CFAP47: variants seen among roughly 807,000 people sequenced by gnomAD.
CFAP47 encodes the protein cilia- and flagella-associated protein 47.
A neutral mutation model predicts 148.1 loss-of-function variants in CFAP47; 29 were observed. The observed-to-expected ratio is 0.20, with a 90% CI of 0.15 to 0.27. The LOEUF is 0.27. Ranked by LOEUF, CFAP47 falls within the 10% of genes least tolerant of loss-of-function variation. The pLI is 1.00. For synonymous variants in CFAP47, 664 were observed against 577.3 expected (o/e 1.15, Z -2.15); for missense variants, 1,872 against 1,697.5 (o/e 1.10, Z -1.81).
chrX:36,134,414 G>C (rs1939003802), intron 33 of CFAP47, among the ~76,000 whole-genome samples: 1 of 111,323 alleles, frequency 9.0e-6, no homozygotes, highest in African/African-American at 3.3e-5. Context: ...GGGTGGTATT[G>C]ACAAAAGAAT....
At chrX:35,924,092 T>TGCATATATGTAC (rs1569201233) in intron 1 of CFAP47, among the ~76,000 whole-genome samples, 1 of 80,054 alleles carries the variant, frequency 1.2e-5, no homozygotes, top group Admixed American at 1.5e-4. Context: ...CATGTATGCG[T>TGCATATATGTAC]ACATATATGT....
intron 26 of CFAP47, among the ~76,000 whole-genome samples, chrX:36,060,267 G>A (rs1357909195): frequency 9.0e-6 from 1 of 111,347 alleles, no homozygotes; most frequent in East Asian, 2.8e-4. Flanking sequence ...TTTTAGAAGT[G>A]ATAAATTTTA....
intron 22 of CFAP47, among the ~76,000 whole-genome samples, chrX:36,020,107 GAT>G (rs1482147774): frequency 2.7e-5 from 3 of 111,505 alleles, no homozygotes; most frequent in African/African-American, 9.8e-5. Flanking sequence ...CATAGGTTTG[GAT>G]ATGTTATGTT....
intron 51 of CFAP47, among the ~76,000 whole-genome samples, chrX:36,298,015 T>C (rs1941259991): frequency 9.2e-6 from 1 of 108,110 alleles, no homozygotes; most frequent in African/African-American, 3.4e-5. Flanking sequence ...TCCTCAGGGA[T>C]CTAGAACTAG....
At chrX:36,187,890 A>T (rs1008601252) in intron 40 of CFAP47, among the ~76,000 whole-genome samples, 48 of 111,886 alleles carry the variant, frequency 4.3e-4, no homozygotes, top group African/African-American at 1.4e-3. Flanking sequence ...TACAGCATCA[A>T]ATTCAGGGAA....
intron 48 of CFAP47, among the ~76,000 whole-genome samples, chrX:36,249,993 G>C (rs1264823109): frequency 9.0e-6 from 1 of 111,116 alleles, no homozygotes; most frequent in Admixed American, 9.6e-5. Flanking sequence ...CAGCCATTAC[G>C]ATAAACATTA....
At chrX:36,237,741 A>G (rs890528981) in intron 48 of CFAP47, among the ~76,000 whole-genome samples, 20 of 112,018 alleles carry the variant, frequency 1.8e-4, no homozygotes, top group Non-Finnish European at 5.6e-5. Flanking sequence ...ACAAATAGTT[A>G]TTTGCTCAAT....
chrX:36,347,860 C>T lies in CFAP47; in HGVS notation c.8444-269C>T, dbSNP rs782072230. On this transcript the variant is annotated intron_variant, in intron 57 of 63. Coordinates refer to ENST00000378653, the MANE Select transcript of CFAP47 (RefSeq NM_001304548.2). ...TGGGTTGATGGGTGCAGCAAACCAC[C>T]ATGGCACGTGTATACCTATGTAACA... Among the ~76,000 whole-genome samples, 444 of 111,024 alleles carry T rather than the reference C, an allele frequency of 4.0e-3. 1 individual carries two copies. The highest frequency in any genetic ancestry group is 0.013 in the African/African-American group (410 of 30,549).
intron 57 of CFAP47, among the ~76,000 whole-genome samples, chrX:36,332,281 T>C (rs1941571120): frequency 1.1e-5 from 1 of 88,419 alleles, no homozygotes; most frequent in South Asian, 7.0e-4. Context: ...AAAATTTAAT[T>C]ACAACTGAAC....
chrX:36,301,295 T>C, intron 53 of CFAP47, 116 bp downstream of exon 53: 1 of 448,900 alleles, frequency 2.2e-6, no homozygotes, highest in Admixed American at 5.0e-5. Flanking sequence ...CTTTAGTCAT[T>C]GATTTTTTTT....
At chrX:36,119,787 A>T (rs1472674160) in intron 33 of CFAP47, among the ~76,000 whole-genome samples, 1 of 111,128 alleles carries the variant, frequency 9.0e-6, no homozygotes, top group Non-Finnish European at 1.9e-5. Flanking sequence ...TAAAGTTGGT[A>T]GGTTATATGT....
chrX:35,926,844 C>T (rs1472133768), intron 2 of CFAP47, among the ~76,000 whole-genome samples: 2 of 110,547 alleles, frequency 1.8e-5, no homozygotes, highest in African/African-American at 6.6e-5. Context: ...TTACAAAATT[C>T]CCTTCTATTC....
chrX:36,303,796 A>G (rs1339781101), intron 53 of CFAP47, 53 bp from the exon 54 acceptor site: 21 of 633,132 alleles, frequency 3.3e-5, no homozygotes, highest in Non-Finnish European at 4.9e-5. Flanking sequence ...TGGAATTAAC[A>G]CTAAATAAGT....
chrX:36,174,237 G>T (rs1240515886), intron 39 of CFAP47, among the ~76,000 whole-genome samples: 1 of 109,677 alleles, frequency 9.1e-6, no homozygotes, highest in Admixed American at 9.7e-5. Flanking sequence ...ACACTGATGG[G>T]TCTTGACTCT....
intron 44 of CFAP47, among the ~76,000 whole-genome samples, chrX:36,204,037 C>A: frequency 9.0e-6 from 1 of 111,577 alleles, no homozygotes; most frequent in Non-Finnish European, 1.9e-5. Context: ...TTTTTGGCTG[C>A]GTAAATGTCT....
intron 57 of CFAP47, among the ~76,000 whole-genome samples, chrX:36,347,431 G>C (rs1941707165): frequency 1.8e-5 from 2 of 111,743 alleles, no homozygotes; most frequent in Admixed American, 1.9e-4. Context: ...CCATTACTGG[G>C]TATATACGCA....
At chrX:35,929,640 G>A (rs886855740) in intron 2 of CFAP47, among the ~76,000 whole-genome samples, 2 of 110,847 alleles carry the variant, frequency 1.8e-5, no homozygotes, top group Admixed American at 9.7e-5. Flanking sequence ...CCATTCAAAA[G>A]CATATGCTTT....
chrX:36,344,531 G>A (rs1305097633), intron 57 of CFAP47, among the ~76,000 whole-genome samples: 1 of 110,963 alleles, frequency 9.0e-6, no homozygotes, highest in African/African-American at 3.3e-5. Context: ...CCACAAATGG[G>A]GTACTAGATT....
chrX:36,371,637 CACACATATGTGTATATATGTGTGTATAT>C (rs1569329014), intron 62 of CFAP47, among the ~76,000 whole-genome samples: 5 of 75,314 alleles, frequency 6.6e-5, no homozygotes, highest in East Asian at 6.3e-4. Flanking sequence ...TGTGTATATA[CACACATATGTGTATATATGTGTGTATAT>C]ACACACATGT....
Sources: allele counts gnomAD v4.1 joint callset (sites outside exome capture counted in the v4.1 genomes callset), GRCh38; gene constraint gnomAD v4.1.1; transcripts MANE v1.5; gene names NCBI Gene and HGNC (gene_info 2026-07-23, HGNC 2026-07-21).